Variants in ARMC9 observed in about 807,000 individuals in gnomAD.
ARMC9 encodes the protein lisH domain-containing protein ARMC9.
Under a neutral mutation model 107.0 loss-of-function variants are expected in ARMC9, and 94 were observed. That is an observed-to-expected ratio of 0.88 (90% CI 0.74 to 1.04). The LOEUF (loss-of-function observed/expected upper bound fraction) is 1.04. ARMC9 is among the 50% of genes least tolerant of loss of function. ARMC9 has a pLI of 0.00. For missense variants in ARMC9, 942 were observed against 1,030.1 expected, an observed-to-expected ratio of 0.91 and a Z score of 1.17; for synonymous variants, 380 against 396.9, an observed-to-expected ratio of 0.96 and a Z score of 0.51.
rs996642487 is a variant in ARMC9 at position 231,255,357 on chromosome 2, C to G, written c.880-1229C>G. On this transcript the variant is annotated intron_variant, in intron 9 of 24. Coordinates refer to ENST00000611582, the MANE Select transcript of ARMC9 (RefSeq NM_001352754.2). The surrounding 1 kb of genome is among the most constrained non-coding windows in gnomAD (Gnocchi z 4.7). Reference sequence around the variant, plus strand: ...CGTGTAGAAAATGTTTGACTTGGTACAAAGTGCACATTTTTATACTTGAAG... The same window carrying G: ...CGTGTAGAAAATGTTTGACTTGGTAGAAAGTGCACATTTTTATACTTGAAG... 6.6e-6 allele frequency among the ~76,000 whole-genome samples: 1 copy of G among 152,022 alleles called. No individual in the cohort carries two copies. Among genetic ancestry groups the G allele is most frequent in the Admixed American group, 6.6e-5 (1 of 15,262 alleles).
intron 18 of ARMC9, among the ~76,000 whole-genome samples, chr2:231,292,658 C>G (rs1354164860): frequency 6.6e-6 from 1 of 152,206 alleles, no homozygotes; most frequent in African/African-American, 2.4e-5. Context: ...CCAGAGGTAC[C>G]AAGCACTGCT....
chr2:231,228,725 A>G (rs1376370283), intron 7 of ARMC9, among the ~76,000 whole-genome samples: 1 of 152,116 alleles, frequency 6.6e-6, no homozygotes, highest in Non-Finnish European at 1.5e-5. Context: ...AACCACCACC[A>G]TACCCTGCAT....
At chr2:231,249,761 G>A (rs943812690) in intron 9 of ARMC9, among the ~76,000 whole-genome samples, 1 of 152,018 alleles carries the variant, frequency 6.6e-6, no homozygotes, top group African/African-American at 2.4e-5. Context: ...AAAGGGTTGC[G>A]CCTGCATTTG....
chr2:231,313,482 A>G (rs2042472251), intron 19 of ARMC9, among the ~76,000 whole-genome samples: 1 of 152,246 alleles, frequency 6.6e-6, no homozygotes, highest in Non-Finnish European at 1.5e-5. Flanking sequence ...TATTGAGGAT[A>G]TAATTTATAT....
In ARMC9 at chr2:231,354,287, G is replaced by T. The variant is rs556392065; in HGVS notation, c.1995-1511G>T. ...TTAAAAAAAAAAAAAAAAAAAAAAA[G>T]ACTGATTGCGCACCTCGGGAAGACT... On this transcript the variant is annotated intron_variant, in intron 21 of 24. Transcript: ENST00000611582. 1.3e-3 allele frequency among the ~76,000 whole-genome samples: 148 copies of T among 116,554 alleles called. 1 individual carries two copies. Among genetic ancestry groups the T allele is most frequent in the Non-Finnish European group, 2.0e-3 (127 of 62,232 alleles). 76.5% of individuals were successfully genotyped at this position (116,554 alleles called of 152,430 possible).
At chr2:231,365,438 C>A (rs558534067) in intron 23 of ARMC9, among the ~76,000 whole-genome samples, 1 of 152,098 alleles carries the variant, frequency 6.6e-6, no homozygotes, top group African/African-American at 2.4e-5. Context: ...AGTCATAATC[C>A]GGCTGCTAAG....
At chr2:231,251,832 C>T (rs1006133556) in intron 9 of ARMC9, among the ~76,000 whole-genome samples, 1 of 151,824 alleles carries the variant, frequency 6.6e-6, no homozygotes, top group South Asian at 2.1e-4. Context: ...CTCAGGTGAT[C>T]CTTCCACCTC....
chr2:231,262,481 T>A, intron 12 of ARMC9, 83 bp downstream of exon 12: 1 of 1,298,304 alleles, frequency 7.7e-7, no homozygotes, highest in Non-Finnish European at 1.1e-6. Context: ...GCTTATAATT[T>A]CTCTGCACAT....
rs1415230294 is a variant in ARMC9, at chr2:231,331,779, G to T, written c.1774-14G>T. The T allele has an allele frequency of 5.0e-6, 8 of 1,609,818 alleles. No individual in the cohort carries two copies. The African/African-American group carries it at 9.4e-5, about 19-fold the overall frequency. ...AGGGTGTCCATGGCATTCACCCCAT[G>T]TCTCCTGAAACAGGAGGACCATGAC... On this transcript the variant is annotated splice_polypyrimidine_tract_variant and intron_variant, in intron 19 of 24. Coordinates refer to ENST00000611582, the MANE Select transcript of ARMC9 (RefSeq NM_001352754.2).
chr2:231,270,190 GT>G (rs1226881857), intron 12 of ARMC9, among the ~76,000 whole-genome samples: 1 of 152,154 alleles, frequency 6.6e-6, no homozygotes, highest in Non-Finnish European at 1.5e-5. Context: ...GTGGCCCTCT[GT>G]TCCACATTCA....
At chr2:231,254,376 G>A (rs2037567182) in intron 9 of ARMC9, among the ~76,000 whole-genome samples, 1 of 152,178 alleles carries the variant, frequency 6.6e-6, no homozygotes, top group South Asian at 2.1e-4. Context: ...CCTTCGAATT[G>A]ATGGAAGTTT....
chr2:231,204,216 T>C (rs1418822796), intron 1 of ARMC9, among the ~76,000 whole-genome samples: 2 of 145,598 alleles, frequency 1.4e-5, no homozygotes, highest in Non-Finnish European at 3.0e-5. Flanking sequence ...GTGGTGTCAG[T>C]CCCCTCCTCC....
intron 5 of ARMC9, among the ~76,000 whole-genome samples, chr2:231,217,840 G>T (rs932911620): frequency 6.6e-6 from 1 of 152,056 alleles, no homozygotes; most frequent in African/African-American, 2.4e-5. Flanking sequence ...CTACAGGTGC[G>T]CACCAGCACA....
chr2:231,256,051 A>C, intron 9 of ARMC9: 1 of 1,513,930 alleles, frequency 6.6e-7, no homozygotes. Flanking sequence ...AAAAAAACAA[A>C]AACAAAAAAA....
chr2:231,296,638 C>G (rs2041391979), intron 19 of ARMC9, among the ~76,000 whole-genome samples: 1 of 152,220 alleles, frequency 6.6e-6, no homozygotes. Context: ...GCGAGAGTCT[C>G]TGGCGTGAGG....
intron 1 of ARMC9, chr2:231,199,090 A>G (rs2030277438): frequency 6.6e-6 from 1 of 152,218 alleles, no homozygotes; most frequent in Non-Finnish European, 1.5e-5. Flanking sequence ...TGAGGCACCC[A>G]GTTGAAGTCC....
intron 19 of ARMC9, among the ~76,000 whole-genome samples, chr2:231,326,213 T>C (rs4973382): frequency 0.66 from 100,636 of 152,116 alleles, 33,439 homozygotes; most frequent in East Asian, 0.81. Flanking sequence ...AAAGTCCAGA[T>C]TCCTAGACTC....
At chr2:231,278,590 C>T (rs550903177) in intron 16 of ARMC9, 132 bp downstream of exon 16, 8 of 729,526 alleles carry the variant, frequency 1.1e-5, no homozygotes, top group Non-Finnish European at 1.8e-5. Context: ...CTCTGTCCTT[C>T]TGGGATTTTC....
Position 231,230,135 on chromosome 2 carries a change from G to A in ARMC9, c.622+3337G>A, listed in dbSNP as rs2035067364. ...CCAGCACTGTGGGAGGCTGAAGTGG[G>A]AGGATAGCTTGAGGCCAGGAGTTTG... On this transcript the variant is annotated intron_variant, in intron 7 of 24. Coordinates refer to ENST00000611582, the MANE Select transcript of ARMC9 (RefSeq NM_001352754.2). Among the ~76,000 whole-genome samples, 3 of 152,274 alleles carry A rather than the reference G, an allele frequency of 2.0e-5. No individual in the cohort carries two copies. In the South Asian group the frequency reaches 6.2e-4, roughly 32 times the overall value.
Sources: allele counts gnomAD v4.1 joint callset (sites outside exome capture counted in the v4.1 genomes callset), GRCh38; gene constraint gnomAD v4.1.1; non-coding constraint Gnocchi (gnomAD v3.1); transcripts MANE v1.5; gene names NCBI Gene and HGNC (gene_info 2026-07-23, HGNC 2026-07-21).